Variants in VCF1 observed in about 807,000 individuals in gnomAD.
VCF1 encodes the protein protein VCF1.
the VCF1 span, among the ~76,000 whole-genome samples, chr17:73,231,894 T>C: frequency 6.6e-6 from 1 of 152,114 alleles, no homozygotes; most frequent in Non-Finnish European, 1.5e-5. Flanking sequence ...GAGAGTCACC[T>C]TCCAGCTACC....
At chr17:73,213,201 G>A in the VCF1 span, among the ~76,000 whole-genome samples, 3 of 149,964 alleles carry the variant, frequency 2.0e-5, no homozygotes, top group Admixed American at 6.7e-5. Flanking sequence ...CTGAGATCAC[G>A]CCACTGCACT....
chr17:73,209,624 A>C, the VCF1 span: 1 of 1,567,430 alleles, frequency 6.4e-7, no homozygotes. Context: ...CACAGCGCGG[A>C]CTGCTCGGGC....
chr17:73,227,151 A>AC, the VCF1 span: 2 of 1,544,990 alleles, frequency 1.3e-6, no homozygotes, highest in Admixed American at 4.1e-5. Context: ...AGACTATGTG[A>AC]CCACACTTCC....
chr17:73,209,647 G>A, the VCF1 span: 14 of 1,556,076 alleles, frequency 9.0e-6, no homozygotes, highest in African/African-American at 8.2e-5. Context: ...GGGCTGAGGC[G>A]TGTTAGGGCT....
At chr17:73,220,849 G>A in the VCF1 span, among the ~76,000 whole-genome samples, 1 of 148,240 alleles carries the variant, frequency 6.7e-6, no homozygotes, top group Admixed American at 6.7e-5. Flanking sequence ...AAAAAAAATT[G>A]AGGTCTTTGT....
chr17:73,227,085 G>A, the VCF1 span: 7 of 1,056,922 alleles, frequency 6.6e-6, no homozygotes, highest in Non-Finnish European at 9.6e-6. Flanking sequence ...TACTGTTTAA[G>A]TAAATTTAAT....
At chr17:73,217,149 G>A in the VCF1 span, among the ~76,000 whole-genome samples, 1 of 152,078 alleles carries the variant, frequency 6.6e-6, no homozygotes, top group Admixed American at 6.6e-5. Flanking sequence ...GGCCAACATG[G>A]TGAAACCTCA....
the VCF1 span, among the ~76,000 whole-genome samples, chr17:73,218,744 G>C: frequency 6.6e-6 from 1 of 152,036 alleles, no homozygotes; most frequent in African/African-American, 2.4e-5. Context: ...AAATGGCCAG[G>C]CGCAGTGGCT....
the VCF1 span, chr17:73,208,425 G>C: frequency 6.2e-7 from 1 of 1,614,158 alleles, no homozygotes; most frequent in Non-Finnish European, 8.5e-7. Context: ...ATTCAAACTT[G>C]GCTGGCTCTC....
chr17:73,227,907 G>A, the VCF1 span, among the ~76,000 whole-genome samples: 47 of 152,298 alleles, frequency 3.1e-4, no homozygotes, highest in African/African-American at 1.0e-3. Context: ...AAATTTGCAT[G>A]TACTCTATTT....
the VCF1 span, among the ~76,000 whole-genome samples, chr17:73,222,482 CAA>C: frequency 2.6e-5 from 4 of 151,994 alleles, no homozygotes; most frequent in South Asian, 8.3e-4. Context: ...GTTCCTGACT[CAA>C]AACAAAACTA....
At chr17:73,221,287 C>G in the VCF1 span, among the ~76,000 whole-genome samples, 1 of 151,436 alleles carries the variant, frequency 6.6e-6, no homozygotes, top group Non-Finnish European at 1.5e-5. Context: ...AGGCATATAC[C>G]TAGGTAACAG....
chr17:73,224,465 C>A, the VCF1 span, among the ~76,000 whole-genome samples: 1 of 151,952 alleles, frequency 6.6e-6, no homozygotes, highest in African/African-American at 2.4e-5. Context: ...GAAATGGTTT[C>A]TCTTACATAA....
At chr17:73,212,427 GAATAAAAA>G in the VCF1 span, among the ~76,000 whole-genome samples, 5 of 151,936 alleles carry the variant, frequency 3.3e-5, no homozygotes, top group East Asian at 5.8e-4. Flanking sequence ...CCTCTTTCTA[GAATAAAAA>G]AATAAAAAAA....
At chr17:73,214,839 T>C in the VCF1 span, among the ~76,000 whole-genome samples, 1 of 152,208 alleles carries the variant, frequency 6.6e-6, no homozygotes, top group Admixed American at 6.5e-5. Flanking sequence ...TCCAAAGACT[T>C]TGGGACTGAG....
the VCF1 span, chr17:73,207,748 G>C: frequency 1.5e-6 from 2 of 1,291,510 alleles, no homozygotes; most frequent in East Asian, 1.1e-4. Context: ...GGGTATTTCT[G>C]AATTGTGCTG....
chr17:73,223,861 G>A, the VCF1 span, among the ~76,000 whole-genome samples: 1 of 151,848 alleles, frequency 6.6e-6, no homozygotes, highest in Admixed American at 6.6e-5. Flanking sequence ...CATCCCTGTA[G>A]TCCCAGCACC....
chr17:73,213,063 G>A, the VCF1 span, among the ~76,000 whole-genome samples: 1 of 151,950 alleles, frequency 6.6e-6, no homozygotes, highest in Non-Finnish European at 1.5e-5. Context: ...GGCCAACATG[G>A]TGAAACCCCG....
At chr17:73,220,894 A>ATTTTTTTTTTTTTTTTTTT in the VCF1 span, among the ~76,000 whole-genome samples, 1 of 96,670 alleles carries the variant, frequency 1.0e-5, no homozygotes, top group Non-Finnish European at 2.0e-5. Flanking sequence ...TTTAATTTAG[A>ATTTTTTTTTTTTTTTTTTT]TTTTTTTTTT....
Sources: allele counts gnomAD v4.1 joint callset (sites outside exome capture counted in the v4.1 genomes callset), GRCh38; gene constraint gnomAD v4.1.1; transcripts MANE v1.5; gene names NCBI Gene and HGNC (gene_info 2026-07-23, HGNC 2026-07-21).